The following MAGI1 variants were observed in gnomAD, a reference collection of about 807,000 sequenced individuals.
MAGI1 encodes the protein membrane associated guanylate kinase, WW and PDZ domain containing 1.
A neutral mutation model predicts 139.9 loss-of-function variants in MAGI1; 58 were observed. The observed-to-expected ratio is 0.41, with a 90% CI of 0.34 to 0.52. MAGI1 has a LOEUF of 0.52. Ranked by LOEUF, MAGI1 falls within the 20% of genes least tolerant of loss-of-function variation. The probability of loss-of-function intolerance (pLI) is 0.12; values close to 1 mark genes in which losing one functional copy is unlikely to be tolerated. For synonymous variants in MAGI1, 812 were observed against 737.9 expected (o/e 1.10, Z -1.63); for missense variants, 1,874 against 1,901.6 (o/e 0.99, Z 0.27).
intron 2 of MAGI1, among the ~76,000 whole-genome samples, chr3:65,621,153 G>A (rs898693839): frequency 1.3e-5 from 2 of 152,196 alleles, no homozygotes; most frequent in Non-Finnish European, 2.9e-5. Context: ...CTGGGTGATA[G>A]AGAGGAGAAA....
chr3:66,016,503 C>T (rs915567711), intron 1 of MAGI1, among the ~76,000 whole-genome samples: 3 of 152,156 alleles, frequency 2.0e-5, no homozygotes, highest in African/African-American at 7.2e-5. Context: ...ATACACACAC[C>T]CTTTGCAAAG....
intron 1 of MAGI1, among the ~76,000 whole-genome samples, chr3:65,961,362 T>G (rs1343324498): frequency 6.6e-6 from 1 of 152,204 alleles, no homozygotes; most frequent in Non-Finnish European, 1.5e-5. Context: ...CCTCCCTTCC[T>G]GGGTGGTAAC....
rs140828472 is a variant in MAGI1, at chr3:65,942,267, T to C, written c.313+95729A>G. On this transcript the variant is annotated intron_variant, in intron 1 of 22. Coordinates refer to ENST00000402939, the MANE Select transcript of MAGI1 (RefSeq NM_001033057.2). ...CCACCAAAAGGAGAAATCCTGACAT[T>C]AGTGAAATATTCAGTTGTAAACCAA... is the stretch of plus-strand genomic sequence containing the variant. Among the ~76,000 whole-genome samples the C allele has an allele frequency of 3.8e-3, 579 of 151,790 alleles. 5 individuals carry two copies. Among genetic ancestry groups the C allele is most frequent in the African/African-American group, 0.013 (535 of 41,448 alleles).
intron 1 of MAGI1, among the ~76,000 whole-genome samples, chr3:65,796,045 TG>T (rs2040116828): frequency 8.7e-6 from 1 of 114,946 alleles, no homozygotes; most frequent in African/African-American, 3.2e-5. Context: ...ACTGAGACTC[TG>T]TCTCAAAAAA....
chr3:66,000,720 T>C (rs571879296), intron 1 of MAGI1, among the ~76,000 whole-genome samples: 79 of 152,346 alleles, frequency 5.2e-4, no homozygotes, highest in African/African-American at 1.8e-3. Flanking sequence ...TGGCCCAACA[T>C]GGGCAGTTAA....
chr3:65,764,259 A>G (rs1166366901), intron 1 of MAGI1, among the ~76,000 whole-genome samples: 1 of 151,954 alleles, frequency 6.6e-6, no homozygotes, highest in Non-Finnish European at 1.5e-5. Flanking sequence ...TGAAAATGGC[A>G]TGATACTTAA....
intron 1 of MAGI1, among the ~76,000 whole-genome samples, chr3:65,750,638 T>C (rs570564691): frequency 6.6e-6 from 1 of 152,324 alleles, no homozygotes; most frequent in East Asian, 1.9e-4. Flanking sequence ...AGTCAACGAA[T>C]AGCCTACATT....
chr3:65,756,485 T>C (rs764600841), intron 1 of MAGI1, among the ~76,000 whole-genome samples: 8 of 152,176 alleles, frequency 5.3e-5, no homozygotes, highest in Non-Finnish European at 8.8e-5. Flanking sequence ...CTTATTTAAA[T>C]AAAACCCTGC....
chr3:66,032,378 TTTTTTTG>T (rs1382835440), intron 1 of MAGI1, among the ~76,000 whole-genome samples: 1 of 39,614 alleles, frequency 2.5e-5, no homozygotes, highest in African/African-American at 6.3e-5. Flanking sequence ...GCCCGGCTAA[TTTTTTTG>T]TTTTTTTTTT....
At chr3:65,750,546 A>G (rs2036061323) in intron 1 of MAGI1, among the ~76,000 whole-genome samples, 1 of 152,260 alleles carries the variant, frequency 6.6e-6, no homozygotes. Context: ...TTTTAGAAAC[A>G]TATGCAATGT....
chr3:65,478,991 G>A (rs1354524729), intron 3 of MAGI1, among the ~76,000 whole-genome samples, 193 bp from the exon 4 acceptor site: 1 of 152,082 alleles, frequency 6.6e-6, no homozygotes, highest in African/African-American at 2.4e-5. Flanking sequence ...AATTTCAGAT[G>A]GGAAGAGGAA....
chr3:66,027,316 TA>T (rs1231889143), intron 1 of MAGI1, among the ~76,000 whole-genome samples: 5 of 142,510 alleles, frequency 3.5e-5, no homozygotes, highest in Non-Finnish European at 6.2e-5. Context: ...AAATAAATAA[TA>T]AAAAAAGAGA....
chr3:65,392,383 G>T (rs1217834532), intron 13 of MAGI1, among the ~76,000 whole-genome samples: 5 of 152,158 alleles, frequency 3.3e-5, no homozygotes, highest in South Asian at 2.1e-4. Context: ...CTGCAGTCAT[G>T]CCTCATATAC....
chr3:65,868,414 G>A (rs72909456), intron 1 of MAGI1, among the ~76,000 whole-genome samples: 61 of 152,258 alleles, frequency 4.0e-4, no homozygotes, highest in African/African-American at 1.4e-3. Flanking sequence ...AAATGTTGAC[G>A]GGTAGAGCGC....
chr3:65,859,910 T>TTG (rs1553719016), intron 1 of MAGI1, among the ~76,000 whole-genome samples: 1 of 94,028 alleles, frequency 1.1e-5, no homozygotes, highest in East Asian at 2.1e-4. Context: ...GTTTTTGTTT[T>TTG]TTTTTTTTTG....
intron 2 of MAGI1, among the ~76,000 whole-genome samples, chr3:65,583,122 A>C (rs1371220746): frequency 6.6e-6 from 1 of 152,188 alleles, no homozygotes; most frequent in African/African-American, 2.4e-5. Flanking sequence ...TAAGTCTTCA[A>C]AATTGGGGTC....
intron 1 of MAGI1, among the ~76,000 whole-genome samples, chr3:65,645,782 AACTGGTAAAATGACCATTCTACAT>A (rs1304346106): frequency 6.6e-6 from 1 of 152,088 alleles, no homozygotes; most frequent in African/African-American, 2.4e-5. Flanking sequence ...AATTCAGCCA[AACTGGTAAAATGACCATTCTACAT>A]ATAGTTATTT....
At chr3:65,387,147 A>C in intron 14 of MAGI1, 1 of 1,613,750 alleles carries the variant, frequency 6.2e-7, no homozygotes. Flanking sequence ...CCTTACTCGG[A>C]CATTCTCCAA....
chr3:65,908,186 TAAG>T (rs1423584939), intron 1 of MAGI1, among the ~76,000 whole-genome samples: 1 of 152,060 alleles, frequency 6.6e-6, no homozygotes, highest in African/African-American at 2.4e-5. Flanking sequence ...CACCACACAA[TAAG>T]AAACATTCAA....
Sources: gnomAD v4.1 joint callset for allele counts (sites outside exome capture counted in the v4.1 genomes callset) on GRCh38, gnomAD v4.1.1 for gene constraint, MANE v1.5 for transcripts, NCBI Gene and HGNC (gene_info 2026-07-23, HGNC 2026-07-21) for gene names.